GRK3: variants seen among roughly 807,000 people sequenced by gnomAD.
GRK3 encodes the protein G protein-coupled receptor kinase 3.
A neutral mutation model predicts 95.7 loss-of-function variants in GRK3; 54 were observed. The ratio of observed to expected loss-of-function variants is 0.56; its 90% confidence interval spans 0.45 to 0.71. GRK3 has a LOEUF of 0.71. Among genes scored for constraint, GRK3 ranks in the 30% least tolerant of loss-of-function variants. The probability of loss-of-function intolerance (pLI) is 0.00; values close to 1 mark genes in which losing one functional copy is unlikely to be tolerated. For synonymous variants in GRK3, 281 were observed against 290.8 expected (o/e 0.97, Z 0.34); for missense variants, 649 against 851.2 (o/e 0.76, Z 2.96).
chr22:25,654,951 T>C (rs1449269068), intron 3 of GRK3, among the ~76,000 whole-genome samples: 3 of 152,136 alleles, frequency 2.0e-5, no homozygotes, highest in African/African-American at 7.2e-5. Flanking sequence ...CTGCTCTGTA[T>C]TCTTTGGCTG....
At chr22:25,566,758 A>G (rs1931502174) in intron 1 of GRK3, among the ~76,000 whole-genome samples, 1 of 152,192 alleles carries the variant, frequency 6.6e-6, no homozygotes, top group South Asian at 2.1e-4. Flanking sequence ...AAAAAACTGT[A>G]CATTTCTAAT....
intron 2 of GRK3, among the ~76,000 whole-genome samples, chr22:25,642,177 A>G (rs1350818291): frequency 2.6e-5 from 4 of 152,216 alleles, no homozygotes; most frequent in Non-Finnish European, 5.9e-5. Context: ...TCACGCCTGT[A>G]ATCCCAGCAC....
chr22:25,678,225 T>C (rs7291130), intron 8 of GRK3, among the ~76,000 whole-genome samples: 2,460 of 152,018 alleles, frequency 0.016, 32 homozygotes, highest in Middle Eastern at 0.065. Context: ...GAGGCTGAGG[T>C]GGGCGGATCA....
At chr22:25,634,843 T>C (rs1205730008) in intron 2 of GRK3, among the ~76,000 whole-genome samples, 1 of 152,254 alleles carries the variant, frequency 6.6e-6, no homozygotes, top group African/African-American at 2.4e-5. Flanking sequence ...GTTATTTTTC[T>C]CTAGCCTTTT....
intron 5 of GRK3, among the ~76,000 whole-genome samples, chr22:25,666,605 G>A (rs1601512550): frequency 2.6e-5 from 4 of 151,964 alleles, no homozygotes. Flanking sequence ...CGCGTTGCCC[G>A]CCAGGCTAGC....
At chr22:25,580,235 G>C (rs1025234888) in intron 1 of GRK3, 1 of 152,210 alleles carries the variant, frequency 6.6e-6, no homozygotes, top group Non-Finnish European at 1.5e-5. Flanking sequence ...GGTCAGGGGT[G>C]GGGACAGTCA....
chr22:25,650,223 A>G (rs879263889), intron 3 of GRK3, among the ~76,000 whole-genome samples: 17 of 152,070 alleles, frequency 1.1e-4, no homozygotes, highest in Non-Finnish European at 2.4e-4. Context: ...TTATATCTTT[A>G]GTAGAGACGG....
intron 1 of GRK3, among the ~76,000 whole-genome samples, chr22:25,576,097 A>G (rs1462623913): frequency 6.6e-6 from 1 of 152,236 alleles, no homozygotes; most frequent in African/African-American, 2.4e-5. Flanking sequence ...AAGCTACACT[A>G]TAACTAGAAT....
rs555969459 is a variant in GRK3 at position 25,608,084 on chromosome 22, G to A, written c.190+3631G>A. Among the ~76,000 whole-genome samples the A allele has an allele frequency of 2.6e-4, 39 of 152,308 alleles. 1 individual carries two copies. The South Asian group carries it at 8.1e-3, about 32-fold the overall frequency. ...TCTAAAGTGGGCTCAGATGTGGTCG[G>A]TGTCAGTTTCTCATTGACAATCATT... On this transcript the variant is annotated intron_variant, in intron 2 of 20. Coordinates refer to ENST00000324198, the MANE Select transcript of GRK3 (RefSeq NM_005160.4).
intron 2 of GRK3, among the ~76,000 whole-genome samples, chr22:25,607,743 A>AT (rs35551345): frequency 0.086 from 11,862 of 138,452 alleles, 1,294 homozygotes; most frequent in African/African-American, 0.28. Context: ...TACCCAGCTA[A>AT]TTTTTTTTTT....
chr22:25,701,669 G>A (rs1012379492), intron 13 of GRK3, among the ~76,000 whole-genome samples: 15 of 152,150 alleles, frequency 9.9e-5, no homozygotes, highest in Non-Finnish European at 1.6e-4. Context: ...AAGTACATCG[G>A]GACCAGATGC....
intron 1 of GRK3, among the ~76,000 whole-genome samples, chr22:25,574,286 A>C (rs1396177433): frequency 6.6e-6 from 1 of 152,180 alleles, no homozygotes; most frequent in Non-Finnish European, 1.5e-5. Flanking sequence ...GGAGTTCAAG[A>C]CCAGCCTGGG....
chr22:25,665,283 A>C (rs999042353), intron 5 of GRK3, among the ~76,000 whole-genome samples: 2 of 152,242 alleles, frequency 1.3e-5, no homozygotes, highest in Non-Finnish European at 2.9e-5. Context: ...TGTTGTCTCC[A>C]TGATATTTGA....
chr22:25,695,555 T>C lies in GRK3; in HGVS notation c.1160+341T>C, dbSNP rs539323871. On this transcript the variant is annotated intron_variant, in intron 13 of 20. Transcript: ENST00000324198. ...ATGTAGGTAATTTAAAAAGGTAGAA[T>C]GATTTTTTCCCTAGAAATTAATTAT... Among the ~76,000 whole-genome samples the C allele has an allele frequency of 5.9e-5, 9 of 152,316 alleles. No individual in the cohort carries two copies. The South Asian group carries it at 1.9e-3, about 32-fold the overall frequency.
intron 3 of GRK3, among the ~76,000 whole-genome samples, chr22:25,652,209 C>T (rs1440930294): frequency 3.9e-5 from 6 of 152,040 alleles, no homozygotes; most frequent in East Asian, 1.9e-4. Flanking sequence ...CCAAGGCAGG[C>T]GGATCACGAG....
At chr22:25,626,220 C>T (rs1247374609) in intron 2 of GRK3, among the ~76,000 whole-genome samples, 3 of 152,156 alleles carry the variant, frequency 2.0e-5, no homozygotes, top group South Asian at 2.1e-4. Context: ...TGAGCCACCG[C>T]GCCAGGCCGA....
Position 25,722,563 on chromosome 22 carries a change from GA to G in GRK3, c.*114del. On this transcript the variant is annotated 3_prime_UTR_variant, in exon 21 of 21. Transcript: ENST00000324198. Reference sequence around the variant, plus strand: ...GCTACCGGGACTCCTCCAGGCTCCCGAGAGGAGTCGGGACCCTTCGGCTTGG... The same window carrying G: ...GCTACCGGGACTCCTCCAGGCTCCCGGAGGAGTCGGGACCCTTCGGCTTGG... 2.6e-6 allele frequency: 3 copies of G among 1,163,096 alleles called. No homozygotes were observed. The highest frequency in any genetic ancestry group is 3.6e-6 in the Non-Finnish European group (3 of 828,966). 72.0% of individuals were successfully genotyped at this position (1,163,096 alleles called of 1,614,324 possible). A position where few individuals can be genotyped will look rare whatever the true frequency, so the allele number is the denominator to read the frequency against.
intron 2 of GRK3, among the ~76,000 whole-genome samples, chr22:25,606,809 C>G (rs756933643): frequency 6.6e-6 from 1 of 152,166 alleles, no homozygotes; most frequent in Non-Finnish European, 1.5e-5. Context: ...TTTACTTGGC[C>G]TCTGAGGCAT....
Position 25,721,589 on chromosome 22 carries a change from A to C in GRK3, c.1905+192A>C, listed in dbSNP as rs139270456. On this transcript the variant is annotated intron_variant, in intron 20 of 20. Coordinates refer to ENST00000324198, the MANE Select transcript of GRK3 (RefSeq NM_005160.4). ...AAGGCAAATATTAGAAAATGGCAGG[A>C]GGATGCAGGTGAAATAATGTCATTA... Among the ~76,000 whole-genome samples, 1,029 of 152,348 alleles carry C rather than the reference A, an allele frequency of 6.8e-3. 13 individuals are homozygous for C. The highest frequency in any genetic ancestry group is 0.022 in the African/African-American group (930 of 41,586).
Sources: gnomAD v4.1 joint callset for allele counts (sites outside exome capture counted in the v4.1 genomes callset) on GRCh38, gnomAD v4.1.1 for gene constraint, MANE v1.5 for transcripts, NCBI Gene and HGNC (gene_info 2026-07-23, HGNC 2026-07-21) for gene names.